Variants in LRRC8D observed in about 807,000 individuals in gnomAD.
The protein encoded by LRRC8D is leucine rich repeat containing 8 VRAC subunit D.
LRRC8D carries 20 observed loss-of-function variants against 55.8 expected under a neutral mutation model. The observed-to-expected ratio is 0.36, with a 90% CI of 0.25 to 0.52. LRRC8D has a LOEUF of 0.52. Among genes scored for constraint, LRRC8D ranks in the 20% least tolerant of loss-of-function variants. LRRC8D has a pLI of 0.93. For missense variants in LRRC8D, 651 were observed against 1,030.8 expected (o/e 0.63, Z 5.05); for synonymous variants, 352 against 377.0 (o/e 0.93, Z 0.77).
chr1:89,882,600 C>G (rs778572649), intron 2 of LRRC8D, among the ~76,000 whole-genome samples: 64 of 152,154 alleles, frequency 4.2e-4, no homozygotes, highest in Non-Finnish European at 7.1e-4. Context: ...AGAAGCATAT[C>G]CCGCTATTTA....
At position 89,834,805 on chromosome 1, in the gene LRRC8D, C is replaced by T. The variant is rs77383817; in HGVS notation, c.-147-8833C>T. ...AGAATTGATGGGAGAGCTGAGGGAA[C>T]GTTGGAGCAGCAAAGCATGGAGTTG... is the stretch of plus-strand genomic sequence containing the variant. On this transcript the variant is annotated intron_variant, in intron 1 of 2. Transcript: ENST00000337338. Among the ~76,000 whole-genome samples, 1,461 of 152,070 alleles carry T rather than the reference C, an allele frequency of 9.6e-3. 30 individuals carry two copies. The highest frequency in any genetic ancestry group is 0.033 in the African/African-American group (1,381 of 41,468).
intron 2 of LRRC8D, among the ~76,000 whole-genome samples, chr1:89,863,197 A>T (rs1661764346): frequency 6.6e-6 from 1 of 152,180 alleles, no homozygotes; most frequent in Non-Finnish European, 1.5e-5. Flanking sequence ...TGCCTTATAT[A>T]GTTGTTATGA....
intron 2 of LRRC8D, among the ~76,000 whole-genome samples, chr1:89,913,871 A>G (rs1663190730): frequency 6.6e-6 from 1 of 152,212 alleles, no homozygotes; most frequent in African/African-American, 2.4e-5. Context: ...GCTTGCCGAC[A>G]TGCAGATCCT....
intron 1 of LRRC8D, 48 bp from the exon 2 acceptor site, chr1:89,843,590 G>T (rs1201235556): frequency 2.9e-6 from 2 of 696,744 alleles, no homozygotes; most frequent in South Asian, 3.0e-5. Flanking sequence ...CCCCGCTGCC[G>T]ACACTTGGAT....
intron 2 of LRRC8D, among the ~76,000 whole-genome samples, chr1:89,879,287 A>G (rs542943179): frequency 2.0e-4 from 30 of 152,336 alleles, no homozygotes; most frequent in African/African-American, 7.2e-4. Context: ...GGTGGTTCCA[A>G]TTATCAATTT....
chr1:89,901,125 T>C (rs1462946020), intron 2 of LRRC8D, among the ~76,000 whole-genome samples: 1 of 152,196 alleles, frequency 6.6e-6, no homozygotes, highest in East Asian at 1.9e-4. Context: ...GACAACCTCT[T>C]CTCTTTGCCT....
intron 2 of LRRC8D, among the ~76,000 whole-genome samples, chr1:89,896,418 A>G (rs951673212): frequency 6.6e-6 from 1 of 152,214 alleles, no homozygotes; most frequent in Admixed American, 6.5e-5. Flanking sequence ...CTAGTGGCCA[A>G]GCAGGACCTA....
At position 89,857,858 on chromosome 1, in the gene LRRC8D, T is replaced by G. The variant is rs997364528; in HGVS notation, c.-3+14076T>G. On this transcript the variant is annotated intron_variant, in intron 2 of 2. Coordinates refer to ENST00000337338, the MANE Select transcript of LRRC8D (RefSeq NM_001134479.2). The stretch of plus-strand genomic sequence containing the variant: ...TTTCTGCATTATTGAGGTTCTCCTC[T>G]AAGTAGAATGTCTTTTTGCTCTTCA... Among the ~76,000 whole-genome samples, 5 of 152,260 alleles carry G rather than the reference T, an allele frequency of 3.3e-5. No homozygotes were observed. In the East Asian group the frequency reaches 7.7e-4, roughly 23 times the overall value.
At position 89,933,438 on chromosome 1, in the gene LRRC8D, A is replaced by G. The variant is rs903624966; in HGVS notation, c.370A>G (p.Asn124Asp). The stretch of plus-strand genomic sequence containing the variant: ...TCCTCGCACAGATTTCGCACTTCCA[A>G]ATCAGGAGGCAAAGAAAGAGAAGAA... ...TYPRTDFALP[N>D]QEAKKEKKDP... is the part of the protein sequence containing the mutation. The change falls in exon 3 of 3, where the codon AAT (asparagine) becomes GAT (aspartate). Residue 124 changes from asparagine (N) to aspartate (D), a missense_variant. Coordinates refer to ENST00000337338, the MANE Select transcript of LRRC8D (RefSeq NM_001134479.2). This position sits in a 1 kb window ranked among gnomAD's most constrained non-coding sequence, Gnocchi z 7.0. 5.0e-6 allele frequency: 8 copies of G among 1,614,042 alleles called. No individual in the cohort carries two copies. The highest frequency in any genetic ancestry group is 1.7e-5 in the Admixed American group (1 of 60,002).
At chr1:89,892,772 G>T (rs958259706) in intron 2 of LRRC8D, among the ~76,000 whole-genome samples, 1 of 152,038 alleles carries the variant, frequency 6.6e-6, no homozygotes. Context: ...CACCCACCTC[G>T]GCCTTCCAAA....
chr1:89,889,689 C>T (rs1662512739), intron 2 of LRRC8D, among the ~76,000 whole-genome samples: 1 of 151,140 alleles, frequency 6.6e-6, no homozygotes. Context: ...CGAGACCAGC[C>T]TGGCGAACAT....
rs2816857 is a variant in LRRC8D, at chr1:89,884,590, G to A, written c.-3+40808G>A. Among the ~76,000 whole-genome samples, 1,142 of 152,334 alleles carry A rather than the reference G, an allele frequency of 7.5e-3. 8 individuals carry two copies. Among genetic ancestry groups the A allele is most frequent in the African/African-American group, 0.026 (1,097 of 41,574 alleles). On this transcript the variant is annotated intron_variant, in intron 2 of 2. Transcript: ENST00000337338. ...GGAAGCGATAGAGTGGATAAGAACC[G>A]TGGAGTTAGACAAACATGGGTTCAA...
Position 89,933,339 on chromosome 1 carries a change from G to C in LRRC8D, c.271G>C (p.Asp91His), listed in dbSNP as rs951071361. The change falls in exon 3 of 3, where the codon GAT (aspartate) becomes CAT (histidine). Residue 91 changes from aspartate to histidine, a missense_variant. By Grantham distance (81) the Asp-to-His change is moderately conservative. Around this residue, in one of 5 missense-constraint regions of LRRC8D, gnomAD observed 118 missense variants for 138.0 expected, o/e 0.85. Coordinates refer to ENST00000337338, the MANE Select transcript of LRRC8D (RefSeq NM_001134479.2). This position sits in a 1 kb window ranked among gnomAD's most constrained non-coding sequence, Gnocchi z 7.0. ...KMEAATNQDQDGRTTNDISFG... is the reference protein window; with the variant it reads ...KMEAATNQDQHGRTTNDISFG... ...GGAAGCAGCCACCAACCAAGACCAA[G>C]ATGGGCGGACAACAAACGACATTTC... 2.5e-6 allele frequency: 4 copies of C among 1,614,144 alleles called. No individual in the cohort carries two copies. Among genetic ancestry groups the C allele is most frequent in the Non-Finnish European group, 2.5e-6 (3 of 1,180,036 alleles).
intron 1 of LRRC8D, among the ~76,000 whole-genome samples, chr1:89,826,474 G>A (rs990574460): frequency 1.8e-4 from 28 of 151,902 alleles, no homozygotes; most frequent in South Asian, 4.2e-4. Flanking sequence ...CCATGGTCTC[G>A]ATCTCCTGAC....
At chr1:89,862,013 G>C (rs951003795) in intron 2 of LRRC8D, among the ~76,000 whole-genome samples, 2 of 152,212 alleles carry the variant, frequency 1.3e-5, no homozygotes, top group Non-Finnish European at 2.9e-5. Context: ...ATTACAAAGT[G>C]TATGAAGACC....
At chr1:89,901,053 C>T (rs1312997205) in intron 2 of LRRC8D, among the ~76,000 whole-genome samples, 2 of 152,202 alleles carry the variant, frequency 1.3e-5, no homozygotes, top group Admixed American at 6.5e-5. Flanking sequence ...CAGACTGTGA[C>T]CATGCATTTC....
At chr1:89,885,151 G>A (rs184313513) in intron 2 of LRRC8D, among the ~76,000 whole-genome samples, 134 of 152,234 alleles carry the variant, frequency 8.8e-4, no homozygotes, top group Middle Eastern at 3.4e-3. Flanking sequence ...TTTAAATTTT[G>A]ATATCCTCTG....
chr1:89,878,387 T>A (rs2816856), intron 2 of LRRC8D, among the ~76,000 whole-genome samples: 1 of 151,990 alleles, frequency 6.6e-6, no homozygotes, highest in African/African-American at 2.4e-5. Flanking sequence ...TGTTGATCAG[T>A]ACATAATATG....
intron 2 of LRRC8D, among the ~76,000 whole-genome samples, chr1:89,932,539 A>T (rs2100999665): frequency 1.3e-5 from 2 of 152,318 alleles, no homozygotes; most frequent in East Asian, 3.9e-4. Flanking sequence ...AACCTTTCCA[A>T]CAACCCTTAG....
Sources: allele counts gnomAD v4.1 joint callset (sites outside exome capture counted in the v4.1 genomes callset), GRCh38; gene constraint gnomAD v4.1.1; regional missense constraint gnomAD v4.1.1; non-coding constraint Gnocchi (gnomAD v3.1); transcripts MANE v1.5; gene names NCBI Gene and HGNC (gene_info 2026-07-23, HGNC 2026-07-21).